The following SV2C variants were observed in gnomAD, a reference collection of about 807,000 sequenced individuals.
SV2C encodes the protein synaptic vesicle glycoprotein 2C, also known as solute carrier family 22 member B3.
SV2C carries 49 observed loss-of-function variants against 79.7 expected under a neutral mutation model. The observed-to-expected ratio is 0.61, with a 90% CI of 0.49 to 0.78. The LOEUF (loss-of-function observed/expected upper bound fraction) is 0.78. SV2C is among the 30% of genes least tolerant of loss of function. The pLI, the probability that SV2C is intolerant of heterozygous loss-of-function variation, is 0.00. For missense variants in SV2C, 833 were observed against 912.9 expected, an observed-to-expected ratio of 0.91 and a Z score of 1.13; for synonymous variants, 334 against 333.2, an observed-to-expected ratio of 1.00 and a Z score of -0.03.
At chr5:75,917,217 CAG>C in the SV2C span, among the ~76,000 whole-genome samples, 23 of 152,228 alleles carry the variant, frequency 1.5e-4, no homozygotes, top group African/African-American at 5.5e-4. Flanking sequence ...TTCAAAATAG[CAG>C]ACTCTTTTTT....
intron 10 of SV2C, 22 bp from the exon 11 acceptor site, chr5:76,300,707 G>T: frequency 1.2e-6 from 2 of 1,610,304 alleles, no homozygotes; most frequent in Non-Finnish European, 8.5e-7. Context: ...TTGATGAATT[G>T]TCTTTGTTGT....
At chr5:76,301,833 C>A (rs1467463162) in intron 12 of SV2C, among the ~76,000 whole-genome samples, 1 of 142,338 alleles carries the variant, frequency 7.0e-6, no homozygotes, top group African/African-American at 2.6e-5. Context: ...CACTTGAACC[C>A]AGGAGGCAGA....
the SV2C span, among the ~76,000 whole-genome samples, chr5:75,994,892 A>T: frequency 3.3e-5 from 5 of 152,140 alleles, no homozygotes; most frequent in Non-Finnish European, 7.4e-5. Flanking sequence ...CCATTGGTGT[A>T]AATTCCAGTC....
At chr5:76,195,394 T>A (rs1398984031) in intron 3 of SV2C, among the ~76,000 whole-genome samples, 1 of 152,216 alleles carries the variant, frequency 6.6e-6, no homozygotes, top group African/African-American at 2.4e-5. Flanking sequence ...ATATGCTGCT[T>A]CTGAAAATTT....
chr5:75,849,907 T>C, the SV2C span, among the ~76,000 whole-genome samples: 1 of 151,980 alleles, frequency 6.6e-6, no homozygotes, highest in South Asian at 2.1e-4. Context: ...TTTTCTTTTC[T>C]TTTTTTTAAA....
intron 1 of SV2C, among the ~76,000 whole-genome samples, chr5:76,116,828 G>A (rs767591): frequency 0.05 from 7,609 of 152,242 alleles, 567 homozygotes; most frequent in African/African-American, 0.16. Flanking sequence ...TTCCCCCAAA[G>A]AGCTATGAGA....
At position 76,180,283 on chromosome 5, in the gene SV2C, G is replaced by A. The variant is rs74442997; in HGVS notation, c.581-14636G>A. Among the ~76,000 whole-genome samples the A allele has an allele frequency of 7.7e-3, 1,175 of 152,236 alleles. 11 individuals carry two copies. The highest frequency in any genetic ancestry group is 0.026 in the African/African-American group (1,090 of 41,542). ...ACTGTGCTGATATTAATATAAAGGA[G>A]ACTTTTCTGGAAAAATATTTTTTAA... On this transcript the variant is annotated intron_variant, in intron 2 of 12. Coordinates refer to ENST00000502798, the MANE Select transcript of SV2C (RefSeq NM_014979.4).
At chr5:75,970,536 C>G in the SV2C span, among the ~76,000 whole-genome samples, 1 of 152,034 alleles carries the variant, frequency 6.6e-6, no homozygotes, top group Non-Finnish European at 1.5e-5. Context: ...TCAGAGAATA[C>G]TATAAACACC....
At chr5:76,037,121 T>C in the SV2C span, among the ~76,000 whole-genome samples, 1 of 152,210 alleles carries the variant, frequency 6.6e-6, no homozygotes, top group African/African-American at 2.4e-5. Flanking sequence ...CTTCTCTGTA[T>C]TGGTTATTCT....
intron 12 of SV2C, among the ~76,000 whole-genome samples, chr5:76,308,113 A>G (rs1379934287): frequency 1.3e-5 from 2 of 152,152 alleles, no homozygotes; most frequent in African/African-American, 4.8e-5. Flanking sequence ...AGTCATTTAC[A>G]TATTATGTTA....
chr5:76,239,536 G>A (rs772443296), intron 4 of SV2C, among the ~76,000 whole-genome samples: 2 of 152,162 alleles, frequency 1.3e-5, no homozygotes, highest in African/African-American at 4.8e-5. Context: ...TAAAGGCTGG[G>A]GGCCTAGTAT....
At chr5:75,902,833 A>T in the SV2C span, among the ~76,000 whole-genome samples, 1 of 152,206 alleles carries the variant, frequency 6.6e-6, no homozygotes, top group Non-Finnish European at 1.5e-5. Context: ...AGAGGTATTT[A>T]TATGGGATGT....
chr5:75,859,984 G>C, the SV2C span, among the ~76,000 whole-genome samples: 1 of 152,112 alleles, frequency 6.6e-6, no homozygotes, highest in Non-Finnish European at 1.5e-5. Context: ...TGGGCCCTGA[G>C]CAAGCCTCCG....
chr5:76,268,040 C>G (rs138836708), intron 4 of SV2C, among the ~76,000 whole-genome samples: 29 of 152,136 alleles, frequency 1.9e-4, no homozygotes, highest in Non-Finnish European at 7.3e-5. Context: ...ATATCCTCCT[C>G]GTGATTCTTA....
intron 4 of SV2C, among the ~76,000 whole-genome samples, chr5:76,250,510 A>G (rs1290591015): frequency 1.3e-5 from 2 of 152,166 alleles, no homozygotes; most frequent in Non-Finnish European, 2.9e-5. Flanking sequence ...CCCGTGTTCT[A>G]GATGCATCCA....
intron 1 of SV2C, among the ~76,000 whole-genome samples, chr5:76,129,076 A>G (rs891496863): frequency 2.0e-5 from 3 of 152,190 alleles, no homozygotes; most frequent in Non-Finnish European, 4.4e-5. Context: ...ACATATTCCA[A>G]GATGGCTTTA....
At chr5:76,125,797 C>T (rs111275255) in intron 1 of SV2C, among the ~76,000 whole-genome samples, 17,816 of 152,136 alleles carry the variant, frequency 0.12, 1,441 homozygotes, top group East Asian at 0.29. Flanking sequence ...GTGGCTCACA[C>T]CTGTAATCCC....
chr5:76,146,797 T>TAAAAAAAAAAAAAAAAAAAA (rs34569063), intron 2 of SV2C, among the ~76,000 whole-genome samples: 1 of 39,336 alleles, frequency 2.5e-5, no homozygotes. Flanking sequence ...AGTTTTTTTT[T>TAAAAAAAAAAAAAAAAAAAA]AAAAAAAAAA....
At chr5:76,194,185 C>T (rs1383960175) in intron 2 of SV2C, among the ~76,000 whole-genome samples, 1 of 152,088 alleles carries the variant, frequency 6.6e-6, no homozygotes, top group Non-Finnish European at 1.5e-5. Context: ...GTTCCCTGGG[C>T]TGGAGCTATA....
Sources: gnomAD v4.1 joint callset for allele counts (sites outside exome capture counted in the v4.1 genomes callset) on GRCh38, gnomAD v4.1.1 for gene constraint, MANE v1.5 for transcripts, NCBI Gene and HGNC (gene_info 2026-07-23, HGNC 2026-07-21) for gene names.